ABR: variants seen among roughly 807,000 people sequenced by gnomAD.
The protein encoded by ABR is ABR activator of RhoGEF and GTPase.
In ABR, 35 loss-of-function variants were observed where a neutral mutation model predicts 107.2. The observed-to-expected ratio is 0.33, with a 90% CI of 0.25 to 0.43. The LOEUF (loss-of-function observed/expected upper bound fraction) is 0.43, where lower values mean the gene tolerates loss of function less well. Ranked by LOEUF, ABR falls within the 20% of genes least tolerant of loss-of-function variation. The pLI is 1.00. For missense variants in ABR, 815 were observed against 1,115.2 expected (o/e 0.73, Z 3.83); for synonymous variants, 498 against 462.0 (o/e 1.08, Z -1.00).
intron 1 of ABR, among the ~76,000 whole-genome samples, chr17:1,163,948 G>A (rs1415113416): frequency 1.4e-4 from 4 of 28,082 alleles, no homozygotes; most frequent in African/African-American, 2.1e-4. Flanking sequence ...GCATCTAGGT[G>A]GGACCCTGGC....
intron 16 of ABR, chr17:1,022,599 A>C (rs2071785423): frequency 6.5e-6 from 1 of 154,058 alleles, no homozygotes; most frequent in Non-Finnish European, 1.5e-5. Context: ...CTTCCAGCTC[A>C]GCAGCTGGGT....
At position 1,137,403 on chromosome 17, in the gene ABR, AG is replaced by A. The variant is rs568004493; in HGVS notation, c.62-12037del. ...CAGACGCACACCTCGAGGCCACTGT[AG>A]GGTTACTCACTGGACTAACTTGGAT... On this transcript the variant is annotated intron_variant, in intron 1 of 22. Transcript: ENST00000302538. Among the ~76,000 whole-genome samples, 4 of 150,130 alleles carry A rather than the reference AG, an allele frequency of 2.7e-5. No homozygotes were observed. The East Asian group carries it at 7.9e-4, about 30-fold the overall frequency.
chr17:1,160,884 C>T (rs1452013602), intron 1 of ABR, among the ~76,000 whole-genome samples: 1 of 152,242 alleles, frequency 6.6e-6, no homozygotes, highest in Non-Finnish European at 1.5e-5. Flanking sequence ...ACGGAAATCT[C>T]CCAAGGTGGG....
At chr17:1,024,104 A>T (rs1369111646) in intron 16 of ABR, among the ~76,000 whole-genome samples, 3 of 149,940 alleles carry the variant, frequency 2.0e-5, no homozygotes, top group African/African-American at 7.3e-5. Context: ...CCGGGCCCAG[A>T]ACACTTTCTG....
chr17:1,020,303 C>G (rs1456331029), intron 16 of ABR, among the ~76,000 whole-genome samples: 2 of 152,246 alleles, frequency 1.3e-5, no homozygotes, highest in South Asian at 2.1e-4. Flanking sequence ...GGCTGGTCTC[C>G]AACTCCTGAC....
chr17:1,019,743 A>G (rs2071473605), intron 16 of ABR, among the ~76,000 whole-genome samples: 1 of 152,228 alleles, frequency 6.6e-6, no homozygotes, highest in African/African-American at 2.4e-5. Flanking sequence ...TCCTGATGAG[A>G]TTAGCACCGG....
intron 3 of ABR, 100 bp downstream of exon 3, chr17:1,100,537 G>A (rs1285858877): frequency 4.4e-6 from 5 of 1,127,168 alleles, no homozygotes; most frequent in South Asian, 1.3e-5. Flanking sequence ...GGACGGGTAC[G>A]GTCCCCTTTC....
At chr17:1,196,651 T>C (rs543029674) in intron 1 of ABR, among the ~76,000 whole-genome samples, 9 of 148,354 alleles carry the variant, frequency 6.1e-5, no homozygotes, top group Admixed American at 3.4e-4. Context: ...CTCGAGTCCC[T>C]GGGAGAAGAC....
intron 1 of ABR, among the ~76,000 whole-genome samples, chr17:1,142,670 C>T (rs1007462668): frequency 4.6e-5 from 7 of 152,054 alleles, no homozygotes; most frequent in African/African-American, 1.7e-4. Flanking sequence ...GGGAAGGCTG[C>T]CCGGAAGAGG....
chr17:1,023,017 GGCCCCACGTCCACTGCAGAGCCTCTGCCT>G (rs1318712735), intron 16 of ABR, among the ~76,000 whole-genome samples: 17 of 143,628 alleles, frequency 1.2e-4, no homozygotes, highest in Non-Finnish European at 2.0e-4. Context: ...AGCCTCTGCC[GGCCCCACGTCCACTGCAGAGCCTCTGCCT>G]GCCCCACGTC....
intron 1 of ABR, among the ~76,000 whole-genome samples, chr17:1,209,218 G>C (rs886686355): frequency 5.9e-5 from 9 of 152,080 alleles, no homozygotes; most frequent in Non-Finnish European, 1.5e-5. Flanking sequence ...TTTACTCTCT[G>C]CAGCTGCGTT....
intron 1 of ABR, among the ~76,000 whole-genome samples, chr17:1,203,395 G>GC (rs1210483083): frequency 6.1e-5 from 3 of 48,866 alleles, no homozygotes; most frequent in African/African-American, 5.5e-4. Flanking sequence ...AGGGGGCGGG[G>GC]CCCGCGGGGG....
Position 1,011,954 on chromosome 17 carries a change from G to C in ABR, c.1993C>G (p.Arg665Gly). ...TTCTCCACCTCCTCCACACACTGCC[G>C]GACGATGTAGGGCACCTTGGAGCGC... ...RERSKVPYIV[R>G]QCVEEVEKRG... The change falls in exon 19 of 23, where the codon CGG becomes GGG. Residue 665 changes from arginine to glycine, a missense_variant. This residue lies in a region of ABR where 175 missense variants were observed against 284.3 expected (regional missense o/e 0.62). Transcript: ENST00000302538. This position sits in a 1 kb window ranked among gnomAD's most constrained non-coding sequence, Gnocchi z 4.8. The C allele has an allele frequency of 6.2e-7, 1 of 1,613,684 alleles. No individual in the cohort carries two copies. The highest frequency in any genetic ancestry group is 8.5e-7 in the Non-Finnish European group (1 of 1,179,726).
intron 1 of ABR, among the ~76,000 whole-genome samples, chr17:1,178,252 T>C (rs746064686): frequency 5.3e-5 from 8 of 151,094 alleles, no homozygotes; most frequent in Non-Finnish European, 1.0e-4. Context: ...ATATGACTTA[T>C]CAAGGAACTC....
chr17:1,224,500 A>G (rs1187820424), intron 1 of ABR, among the ~76,000 whole-genome samples: 1 of 152,132 alleles, frequency 6.6e-6, no homozygotes, highest in Non-Finnish European at 1.5e-5. Flanking sequence ...ATTGCCCAAT[A>G]AAACCTGACC....
chr17:1,075,199 G>A (rs891280732), intron 6 of ABR, among the ~76,000 whole-genome samples: 5 of 152,260 alleles, frequency 3.3e-5, no homozygotes, highest in African/African-American at 7.2e-5. Context: ...CTTCCTGTAC[G>A]CGGCTGCGCC....
At chr17:1,172,565 A>G (rs2041755578) in intron 1 of ABR, among the ~76,000 whole-genome samples, 1 of 152,176 alleles carries the variant, frequency 6.6e-6, no homozygotes, top group Non-Finnish European at 1.5e-5. Context: ...CCTGGCCAAC[A>G]TGGTGAAACC....
intron 2 of ABR, 75 bp from the exon 3 acceptor site, chr17:1,100,810 T>G: frequency 7.2e-7 from 1 of 1,382,664 alleles, no homozygotes; most frequent in Non-Finnish European, 1.0e-6. Flanking sequence ...TCTGCTTCCC[T>G]GCCCTTCCCC....
chr17:1,014,237 C>G (rs368434266), intron 16 of ABR, among the ~76,000 whole-genome samples: 5 of 152,008 alleles, frequency 3.3e-5, no homozygotes, highest in Admixed American at 3.3e-4. Flanking sequence ...CTCAGGAGAT[C>G]GAGACCATCC....
Sources: allele counts gnomAD v4.1 joint callset (sites outside exome capture counted in the v4.1 genomes callset), GRCh38; gene constraint gnomAD v4.1.1; regional missense constraint gnomAD v4.1.1; non-coding constraint Gnocchi (gnomAD v3.1); transcripts MANE v1.5; gene names NCBI Gene and HGNC (gene_info 2026-07-23, HGNC 2026-07-21).